LARGE1: variants seen among roughly 807,000 people sequenced by gnomAD.
LARGE1 encodes LARGE xylosyl- and glucuronyltransferase 1.
Under a neutral mutation model 87.6 loss-of-function variants are expected in LARGE1, and 43 were observed. The ratio of observed to expected loss-of-function variants is 0.49; its 90% confidence interval spans 0.38 to 0.63. LARGE1 has a LOEUF of 0.63. Among genes scored for constraint, LARGE1 ranks in the 30% least tolerant of loss-of-function variants. The pLI, the probability that LARGE1 is intolerant of heterozygous loss-of-function variation, is 0.00. For synonymous variants in LARGE1, 434 were observed against 394.6 expected (o/e 1.10, Z -1.18); for missense variants, 802 against 1,000.2 (o/e 0.80, Z 2.67).
At position 33,853,074 on chromosome 22, in the gene LARGE1, AGAGAAATTAATCCAAG is replaced by A. The variant is rs1228676505; in HGVS notation, c.-83+66905_-83+66920del. The stretch of plus-strand genomic sequence containing the variant: ...GGGGGGGCCTAAACAAAGCCACCAA[AGAGAAATTAATCCAAG>A]GAGAAATTAATCCAAAGGGAAATCA... On this transcript the variant is annotated intron_variant, in intron 1 of 14. Coordinates refer to ENST00000397394, the MANE Select transcript of LARGE1 (RefSeq NM_133642.5). Among the ~76,000 whole-genome samples, 4 of 152,200 alleles carry A rather than the reference AGAGAAATTAATCCAAG, an allele frequency of 2.6e-5. No homozygotes were observed. In the South Asian group the frequency reaches 6.2e-4, roughly 24 times the overall value.
chr22:33,547,855 T>C (rs1299131018), intron 6 of LARGE1, among the ~76,000 whole-genome samples: 1 of 105,154 alleles, frequency 9.5e-6, no homozygotes, highest in Non-Finnish European at 2.0e-5. Context: ...ACCATATTAA[T>C]AATAAGGGGA....
intron 6 of LARGE1, among the ~76,000 whole-genome samples, chr22:33,491,898 C>T (rs758906062): frequency 7.9e-5 from 12 of 152,146 alleles, no homozygotes; most frequent in Admixed American, 1.3e-4. Flanking sequence ...AAACCATTCC[C>T]GAGGCAGCTG....
At chr22:33,831,363 C>G (rs963224495) in intron 1 of LARGE1, among the ~76,000 whole-genome samples, 6 of 152,194 alleles carry the variant, frequency 3.9e-5, no homozygotes, top group Non-Finnish European at 1.5e-5. Context: ...ACATGCACCC[C>G]CCCTCTGCTT....
intron 2 of LARGE1, among the ~76,000 whole-genome samples, chr22:33,728,168 C>T (rs1171862622): frequency 4.6e-5 from 7 of 151,982 alleles, no homozygotes; most frequent in African/African-American, 1.2e-4. Context: ...TGTAGTATCC[C>T]GTATTCATCA....
At position 33,503,798 on chromosome 22, in the gene LARGE1, C is replaced by T. The variant is rs184369453; in HGVS notation, c.787+61050G>A. Among the ~76,000 whole-genome samples, 467 of 150,928 alleles carry T rather than the reference C, an allele frequency of 3.1e-3. 4 individuals carry two copies. The highest frequency in any genetic ancestry group is 0.019 in the South Asian group (90 of 4,740). ...TGGGCGACAGAGCAAGACTCTGTCTCAAAAAACAAAAACAAAAACAAAAAC... is the reference window on the plus strand; with the variant it reads ...TGGGCGACAGAGCAAGACTCTGTCTTAAAAAACAAAAACAAAAACAAAAAC... On this transcript the variant is annotated intron_variant, in intron 6 of 14. Transcript: ENST00000397394.
At chr22:33,441,943 T>C (rs892643753) in intron 6 of LARGE1, among the ~76,000 whole-genome samples, 1 of 152,202 alleles carries the variant, frequency 6.6e-6, no homozygotes, top group African/African-American at 2.4e-5. Context: ...AGTTTCTTGA[T>C]GAAGCACCTC....
chr22:33,708,401 C>T (rs1018733178), intron 2 of LARGE1, among the ~76,000 whole-genome samples: 4 of 152,112 alleles, frequency 2.6e-5, no homozygotes, highest in African/African-American at 9.7e-5. Flanking sequence ...GCCAGAAGCC[C>T]TCCTGAGTGC....
chr22:33,792,961 C>A (rs2085868632), intron 1 of LARGE1, among the ~76,000 whole-genome samples: 1 of 152,184 alleles, frequency 6.6e-6, no homozygotes, highest in Non-Finnish European at 1.5e-5. Context: ...AGACCAAGTA[C>A]CATCTCCTTT....
chr22:33,625,638 A>G (rs928679569), intron 4 of LARGE1, among the ~76,000 whole-genome samples: 1 of 152,234 alleles, frequency 6.6e-6, no homozygotes, highest in Non-Finnish European at 1.5e-5. Flanking sequence ...ACTGTCTGTG[A>G]GGCCAGAAGT....
At chr22:33,604,379 GTAA>G in intron 5 of LARGE1, 53 bp downstream of exon 5, 1 of 1,611,362 alleles carries the variant, frequency 6.2e-7, no homozygotes, top group Non-Finnish European at 8.5e-7. Flanking sequence ...TCAACCACAA[GTAA>G]TAACGCTTCC....
Position 33,420,161 on chromosome 22 carries a change from T to C in LARGE1, c.892+12000A>G, listed in dbSNP as rs563727220. Among the ~76,000 whole-genome samples the C allele has an allele frequency of 1.5e-4, 23 of 152,354 alleles. 1 individual carries two copies. The South Asian group carries it at 4.8e-3, about 32-fold the overall frequency. On this transcript the variant is annotated intron_variant, in intron 7 of 14. Transcript: ENST00000397394. ...TCCCACGAGCAACCATGAGAAATGC[T>C]GCTCTATATCACTGTCTTCGAAACA...
chr22:33,723,482 T>C (rs890810382), intron 2 of LARGE1, among the ~76,000 whole-genome samples: 5 of 151,936 alleles, frequency 3.3e-5, no homozygotes, highest in African/African-American at 1.2e-4. Context: ...AGGTGATGAG[T>C]GGAAACAAGA....
rs2067741041 is a variant in LARGE1 at position 33,447,722 on chromosome 22, C to T, written c.788-15457G>A. Among the ~76,000 whole-genome samples, 4 of 152,206 alleles carry T rather than the reference C, an allele frequency of 2.6e-5. No individual in the cohort carries two copies. In the South Asian group the frequency reaches 8.3e-4, roughly 32 times the overall value. ...AAGTGCTTCTGGGCGTGGGGTAAGT[C>T]CCTCGGGAGCAGGTGGGCTGCACCA... On this transcript the variant is annotated intron_variant, in intron 6 of 14. Transcript: ENST00000397394.
At chr22:33,808,469 A>AAAG (rs2086384088) in intron 1 of LARGE1, among the ~76,000 whole-genome samples, 1 of 152,216 alleles carries the variant, frequency 6.6e-6, no homozygotes, top group Admixed American at 6.5e-5. Context: ...CCTACCACCA[A>AAAG]GGTGCTTGGC....
At chr22:33,067,622 G>A in the LARGE1 span, among the ~76,000 whole-genome samples, 1 of 152,080 alleles carries the variant, frequency 6.6e-6, no homozygotes, top group Non-Finnish European at 1.5e-5. Flanking sequence ...AGAGTGCCAG[G>A]GTCAGGAGTT....
intron 5 of LARGE1, among the ~76,000 whole-genome samples, chr22:33,571,384 A>G (rs2078199938): frequency 6.6e-6 from 1 of 152,176 alleles, no homozygotes; most frequent in Admixed American, 6.5e-5. Flanking sequence ...AGAGAAGTTG[A>G]CCAGATTAGC....
chr22:33,748,422 T>C (rs1437170313), intron 2 of LARGE1, among the ~76,000 whole-genome samples: 1 of 152,186 alleles, frequency 6.6e-6, no homozygotes, highest in Non-Finnish European at 1.5e-5. Context: ...TATTCAACTC[T>C]GTTGACTCCT....
At chr22:33,631,764 C>G (rs1405001755) in intron 3 of LARGE1, among the ~76,000 whole-genome samples, 4 of 152,178 alleles carry the variant, frequency 2.6e-5, no homozygotes, top group East Asian at 3.8e-4. Flanking sequence ...CATTTTCTCT[C>G]TAGTATTATT....
intron 2 of LARGE1, among the ~76,000 whole-genome samples, chr22:33,672,405 T>C (rs1392456181): frequency 2.6e-5 from 4 of 152,174 alleles, no homozygotes; most frequent in African/African-American, 9.6e-5. Flanking sequence ...TTGCCCCCAC[T>C]TCCTTCCTAG....
Sources: gnomAD v4.1 joint callset for allele counts (sites outside exome capture counted in the v4.1 genomes callset) on GRCh38, gnomAD v4.1.1 for gene constraint, MANE v1.5 for transcripts, NCBI Gene and HGNC (gene_info 2026-07-23, HGNC 2026-07-21) for gene names.